Variants in GBP4 observed in about 807,000 individuals in gnomAD.
GBP4 encodes guanylate-binding protein 4.
In GBP4, 69 loss-of-function variants were observed where a neutral mutation model predicts 62.2. The observed-to-expected ratio is 1.11, with a 90% CI of 0.91 to 1.36. The LOEUF (loss-of-function observed/expected upper bound fraction) is 1.36. Ranked by LOEUF, GBP4 falls within the 40% of genes most tolerant of loss-of-function variation. The probability of loss-of-function intolerance (pLI) is 0.00; values close to 1 mark genes in which losing one functional copy is unlikely to be tolerated. For synonymous variants in GBP4, 278 were observed against 274.6 expected, an observed-to-expected ratio of 1.01 and a Z score of -0.12; for missense variants, 697 against 759.3, an observed-to-expected ratio of 0.92 and a Z score of 0.96.
At chr1:89,198,591 C>A (rs1038799774) in intron 1 of GBP4, 4 of 579,022 alleles carry the variant, frequency 6.9e-6, no homozygotes, top group Non-Finnish European at 9.3e-6. Flanking sequence ...GCCTGTGGAC[C>A]GTCTAGAGAC....
At position 89,193,315 on chromosome 1, in the gene GBP4, A is replaced by G; in HGVS notation, c.461T>C (p.Leu154Pro). The G allele has an allele frequency of 1.2e-6, 2 of 1,614,016 alleles. No homozygotes were observed. The highest frequency in any genetic ancestry group is 2.2e-5 in the South Asian group (2 of 91,084). ...NSVSTINHQA[L>P]EQLHYVTELA... The stretch of plus-strand genomic sequence containing the variant: ...CCCAGAAGGATACTGCAGCTGCTCC[A>G]GGGCCTGGTGGTTGATGGTGCTCAC... The change falls in exon 4 of 11, where the codon CTG (leucine) becomes CCG (proline). Residue 154 changes from leucine (L) to proline (P), a missense_variant. By Grantham distance (98) the Leu-to-Pro change is moderately conservative. Coordinates refer to ENST00000355754, the MANE Select transcript of GBP4 (RefSeq NM_052941.5).
rs757416951 is a variant in GBP4 at position 89,185,358 on chromosome 1, G to C, written c.1819C>G (p.Leu607Val). The change falls in exon 11 of 11, where the codon CTC becomes GTC. Residue 607 changes from leucine to valine, a missense_variant. This residue lies in a region of GBP4 where 141 missense variants were observed against 196.6 expected (regional missense o/e 0.72). Coordinates refer to ENST00000355754, the MANE Select transcript of GBP4 (RefSeq NM_052941.5). Reference protein sequence around the residue: ...IESTKNEQLRLLKILDMASNI... With the variant: ...IESTKNEQLRVLKILDMASNI... ...CTAGCCATGTCAAGGATCTTTAAGA[G>C]CCTTAACTGTTCATTTTTAGTGCTT... The C allele has an allele frequency of 8.7e-6, 14 of 1,605,256 alleles. No individual in the cohort carries two copies. The highest frequency in any genetic ancestry group is 1.7e-5 in the Admixed American group (1 of 59,982).
chr1:89,190,188 A>C lies in GBP4; in HGVS notation c.1047T>G (p.Tyr349Ter). 6.2e-7 allele frequency: 1 copy of C among 1,614,164 alleles called. No individual in the cohort carries two copies. The highest frequency in any genetic ancestry group is 1.1e-5 in the South Asian group (1 of 91,078). The change falls in exon 7 of 11, where the codon TAT (tyrosine) becomes TAG (stop). Residue 349 changes from tyrosine to a stop codon, truncating the protein, a stop_gained. Transcript: ENST00000355754. LOFTEE classifies it high-confidence loss of function. ...TCAGTTGCTGGGCCATCTGCTGGCTATAGTGGTCGGCTGCCCTCTGCACAG... is the reference window on the plus strand; with the variant it reads ...TCAGTTGCTGGGCCATCTGCTGGCTCTAGTGGTCGGCTGCCCTCTGCACAG... ...PAAVQRAADH[Y>*]SQQMAQQLRL...
intron 3 of GBP4, 71 bp from the exon 4 acceptor site, chr1:89,193,483 A>G (rs961933174): frequency 2.2e-6 from 3 of 1,336,576 alleles, no homozygotes; most frequent in Non-Finnish European, 3.2e-6. Flanking sequence ...TTGGTTGTTC[A>G]TTAGCTATTT....
In GBP4 at chr1:89,183,731, T is replaced by C. The variant is rs1239131343; in HGVS notation, c.*1523A>G. 1.3e-5 allele frequency: 2 copies of C among 152,072 alleles called. No homozygotes were observed. Among genetic ancestry groups the C allele is most frequent in the African/African-American group, 4.8e-5 (2 of 41,388 alleles). 9.4% of individuals were successfully genotyped at this position (152,072 alleles called of 1,614,324 possible). ...CATCTCTACAAACAAATACAAAAAA[T>C]TAACTGGTCTTGGGTGTAAGCACCT... On this transcript the variant is annotated 3_prime_UTR_variant, in exon 11 of 11. Coordinates refer to ENST00000355754, the MANE Select transcript of GBP4 (RefSeq NM_052941.5).
intron 6 of GBP4, among the ~76,000 whole-genome samples, chr1:89,190,916 C>A (rs987082887): frequency 2.0e-5 from 3 of 151,978 alleles, no homozygotes; most frequent in Non-Finnish European, 4.4e-5. Flanking sequence ...AACTCATGGC[C>A]TGATGTTGAT....
intron 3 of GBP4, 40 bp from the exon 4 acceptor site, chr1:89,193,452 T>G: frequency 7.2e-7 from 1 of 1,383,080 alleles, no homozygotes; most frequent in Non-Finnish European, 1.0e-6. Flanking sequence ...GAGTATTCTC[T>G]TCATTCATTC....
At chr1:89,186,940 A>G (rs1648052790) in intron 9 of GBP4, 60 bp downstream of exon 9, 1 of 1,436,720 alleles carries the variant, frequency 7.0e-7, no homozygotes, top group South Asian at 1.2e-5. Flanking sequence ...CAGTGTGATC[A>G]GCAAGAAGGC....
Position 89,191,277 on chromosome 1 carries a change from G to T in GBP4, c.900C>A (p.Ile300=). 6.2e-7 allele frequency: 1 copy of T among 1,612,568 alleles called. No individual in the cohort carries two copies. Among genetic ancestry groups the T allele is most frequent in the Non-Finnish European group, 8.5e-7 (1 of 1,178,608 alleles). ...AAGACTCACGCTTTCCAGTGACAATGATTCCCTCTCTCAGGGTCTTGGTCT... is the reference window on the plus strand; with the variant it reads ...AAGACTCACGCTTTCCAGTGACAATTATTCCCTCTCTCAGGGTCTTGGTCT... ...HAKTKTLREG[I]IVTGKRLGTL... Residue 300 remains isoleucine, a synonymous_variant, in exon 6 of 11, where the codon ATC becomes ATA. Coordinates refer to ENST00000355754, the MANE Select transcript of GBP4 (RefSeq NM_052941.5).
rs1478308283 is a variant in GBP4 at position 89,187,099 on chromosome 1, T to C, written c.1414A>G (p.Asn472Asp). 2 of 1,613,862 alleles carry C rather than the reference T, an allele frequency of 1.2e-6. No individual in the cohort carries two copies. Among genetic ancestry groups the C allele is most frequent in the Non-Finnish European group, 1.7e-6 (2 of 1,179,880 alleles). ...KLVPRKGVKA[N>D]EVLQNFLQSQ... is the part of the protein sequence containing the mutation. ...TGCAGGAAGTTCTGGAGGACCTCGT[T>C]TGCCTGAGGAACCAAGAAAGAGCAA... The change falls in exon 9 of 11, where the codon AAC (asparagine) becomes GAC (aspartate). Residue 472 changes from asparagine to aspartate, a missense_variant. Around this residue, in one of 2 missense-constraint regions of GBP4, gnomAD observed 141 missense variants for 196.6 expected, o/e 0.72. Transcript: ENST00000355754.
chr1:89,197,331 A>G lies in GBP4; in HGVS notation c.41-27T>C, dbSNP rs148487101. 1,475 of 1,598,206 alleles carry G rather than the reference A, an allele frequency of 9.2e-4. 8 individuals carry two copies. In the African/African-American group the frequency reaches 0.017, roughly 18 times the overall value. On this transcript the variant is annotated intron_variant, in intron 1 of 10. Coordinates refer to ENST00000355754, the MANE Select transcript of GBP4 (RefSeq NM_052941.5). ...TGTAACCCAGAAAAAAATACTCAGT[A>G]GAATACAAGATCTTGAAGTCATCCC... is the stretch of plus-strand genomic sequence containing the variant.
chr1:89,195,536 T>C (rs1337295038), intron 2 of GBP4, 112 bp from the exon 3 acceptor site: 2 of 1,291,624 alleles, frequency 1.5e-6, no homozygotes, highest in Admixed American at 2.1e-5. Context: ...GGGAAAAGGG[T>C]TGTTTCCATC....
chr1:89,188,540 G>T, intron 8 of GBP4, 42 bp downstream of exon 8: 1 of 1,513,516 alleles, frequency 6.6e-7, no homozygotes, highest in Non-Finnish European at 9.2e-7. Context: ...AAAACCCTCT[G>T]ACTATCCTCT....
At position 89,181,303 on chromosome 1, in the gene GBP4, G is replaced by A. The variant is rs1388635878; in HGVS notation, c.*3951C>T. 6.6e-6 allele frequency: 1 copy of A among 152,146 alleles called. No individual in the cohort carries two copies. The highest frequency in any genetic ancestry group is 1.9e-4 in the East Asian group (1 of 5,182). 9.4% of individuals were successfully genotyped at this position (152,146 alleles called of 1,614,324 possible). A position where few individuals can be genotyped will look rare whatever the true frequency, so the allele number is the denominator to read the frequency against. ...GGGTTGTTCTCTGGCGGGCAGAGGT[G>A]GGTGTCACAAGTTGCTTAGTGGGGG... On this transcript the variant is annotated 3_prime_UTR_variant, in exon 11 of 11. Coordinates refer to ENST00000355754, the MANE Select transcript of GBP4 (RefSeq NM_052941.5).
Position 89,198,923 on chromosome 1 carries a change from A to T in GBP4, c.-89T>A. 2 of 1,217,056 alleles carry T rather than the reference A, an allele frequency of 1.6e-6. No homozygotes were observed. The highest frequency in any genetic ancestry group is 2.4e-6 in the Non-Finnish European group (2 of 818,030). 75.4% of individuals were successfully genotyped at this position (1,217,056 alleles called of 1,614,324 possible). On this transcript the variant is annotated 5_prime_UTR_variant, in exon 1 of 11. Coordinates refer to ENST00000355754, the MANE Select transcript of GBP4 (RefSeq NM_052941.5). ...CCGGATTTACAGACATCCAAGTAAG[A>T]GTCTGTGAGAACCGAAATTGAAAGG...
chr1:89,192,307 A>G (rs1052538959), intron 5 of GBP4, among the ~76,000 whole-genome samples: 1 of 152,242 alleles, frequency 6.6e-6, no homozygotes, highest in African/African-American at 2.4e-5. Context: ...ATGAAGCTGT[A>G]GAATGAAGTA....
At chr1:89,196,707 G>A (rs947387071) in intron 2 of GBP4, among the ~76,000 whole-genome samples, 1 of 152,170 alleles carries the variant, frequency 6.6e-6, no homozygotes, top group African/African-American at 2.4e-5. Context: ...TTTAAATAGA[G>A]GATACACAAG....
chr1:89,185,561 G>A (rs1179788388), intron 10 of GBP4, 92 bp from the exon 11 acceptor site: 2 of 696,768 alleles, frequency 2.9e-6, no homozygotes, highest in Admixed American at 2.4e-5. Context: ...TTAAGCATAT[G>A]TGTCTATTTC....
chr1:89,195,971 C>T (rs1011635758), intron 2 of GBP4, among the ~76,000 whole-genome samples: 1 of 152,182 alleles, frequency 6.6e-6, no homozygotes, highest in Non-Finnish European at 1.5e-5. Context: ...ATGTAAAATT[C>T]TCAGTCACTG....
Sources: gnomAD v4.1 joint callset for allele counts (sites outside exome capture counted in the v4.1 genomes callset) on GRCh38, gnomAD v4.1.1 for gene constraint, gnomAD v4.1.1 regional missense constraint, MANE v1.5 for transcripts, NCBI Gene and HGNC (gene_info 2026-07-23, HGNC 2026-07-21) for gene names.